Variants in NPFFR1 observed in about 807,000 individuals in gnomAD.
NPFFR1 encodes the protein neuropeptide FF receptor 1, also known as G-protein coupled receptor 147.
NPFFR1 carries 17 observed loss-of-function variants against 12.7 expected under a neutral mutation model. The observed-to-expected ratio is 1.34, with a 90% confidence interval of 0.92 to 2.01. The LOEUF (loss-of-function observed/expected upper bound fraction) is 2.01, where lower values mean the gene tolerates loss of function less well. Among genes scored for constraint, NPFFR1 ranks in the 30% most tolerant of loss-of-function variants. NPFFR1 has a pLI of 0.00. For synonymous variants in NPFFR1, 296 were observed against 264.5 expected (o/e 1.12, Z -1.16); for missense variants, 604 against 606.5 (o/e 1.00, Z 0.04).
intron 2 of NPFFR1, among the ~76,000 whole-genome samples, chr10:70,264,866 AAT>A (rs1722176182): frequency 6.6e-6 from 1 of 152,232 alleles, no homozygotes; most frequent in South Asian, 2.1e-4. Context: ...CAATATTTTA[AAT>A]ATGAGTGTAT....
intron 3 of NPFFR1, among the ~76,000 whole-genome samples, chr10:70,258,679 G>A (rs1840601976): frequency 6.6e-6 from 1 of 152,212 alleles, no homozygotes; most frequent in African/African-American, 2.4e-5. Flanking sequence ...CTATTCCCCA[G>A]AATGGCTTCT....
chr10:70,261,014 A>G (rs1289589611), intron 2 of NPFFR1, among the ~76,000 whole-genome samples: 5 of 152,174 alleles, frequency 3.3e-5, no homozygotes, highest in African/African-American at 1.2e-4. Context: ...CAAGTCCTGC[A>G]GTCAGCCTTG....
In NPFFR1 at chr10:70,249,068, A is replaced by G. The variant is rs752305046; in HGVS notation, c.*5889T>C. ...AGCCCTCCTACTTCTATCACACTAT[A>G]TCCTCTTACCTTGCTTTAGACCCAT... On this transcript the variant is annotated 3_prime_UTR_variant, in exon 4 of 4. Transcript: ENST00000277942. The G allele has an allele frequency of 3.9e-5, 6 of 152,026 alleles. No individual in the cohort carries two copies. The highest frequency in any genetic ancestry group is 7.4e-5 in the Non-Finnish European group (5 of 68,026). The allele number at this position is 152,026 out of a possible 1,614,324, so 9.4% of individuals were successfully genotyped here. A position where few individuals can be genotyped will look rare whatever the true frequency, so the allele number is the denominator to read the frequency against.
chr10:70,280,331 A>T (rs1217626050), intron 1 of NPFFR1, among the ~76,000 whole-genome samples: 1 of 152,178 alleles, frequency 6.6e-6, no homozygotes, highest in East Asian at 1.9e-4. Flanking sequence ...GTGCAAATTT[A>T]TTACATTCCC....
In NPFFR1 at chr10:70,253,977, G is replaced by A. The variant is rs1301763496; in HGVS notation, c.*980C>T. The A allele has an allele frequency of 6.6e-6, 1 of 152,212 alleles. No homozygotes were observed. Among genetic ancestry groups the A allele is most frequent in the Non-Finnish European group, 1.5e-5 (1 of 68,050 alleles). The allele number at this position is 152,212 out of a possible 1,614,324, so 9.4% of individuals were successfully genotyped here. The stretch of plus-strand genomic sequence containing the variant: ...GTCTCCAAATGGCACTCCGGCTGCA[G>A]CTTCAGTTGACCAACTTCTCCCTCC... On this transcript the variant is annotated 3_prime_UTR_variant, in exon 4 of 4. Transcript: ENST00000277942.
At chr10:70,277,459 A>C (rs1840815615) in intron 1 of NPFFR1, among the ~76,000 whole-genome samples, 1 of 152,368 alleles carries the variant, frequency 6.6e-6, no homozygotes, top group Non-Finnish European at 1.5e-5. Context: ...GACAGGGCAC[A>C]GAGACTCTGG....
intron 3 of NPFFR1, among the ~76,000 whole-genome samples, chr10:70,259,581 C>A (rs770968866): frequency 6.6e-6 from 1 of 152,112 alleles, no homozygotes; most frequent in Non-Finnish European, 1.5e-5. Flanking sequence ...AGAGTAGAAC[C>A]CACTTCATTA....
rs913633625 is a variant in NPFFR1 at position 70,255,216 on chromosome 10, C to G, written c.1034G>C (p.Arg345Pro). ...NFRRGFQAAFRARLCPRPSGS... is the reference protein window; with the variant it reads ...NFRRGFQAAFPARLCPRPSGS... Reference sequence around the variant, plus strand: ...CGACGGGCGCGGGCAGAGGCGGGCGCGGAAGGCGGCCTGGAAGCCGCGGCG... The same window carrying G: ...CGACGGGCGCGGGCAGAGGCGGGCGGGGAAGGCGGCCTGGAAGCCGCGGCG... Residue 345 changes from arginine to proline, a missense_variant, in exon 4 of 4, where the codon CGC (arginine) becomes CCC (proline). Arg to Pro is a moderately radical substitution (Grantham distance 103). Coordinates refer to ENST00000277942, the MANE Select transcript of NPFFR1 (RefSeq NM_022146.5). The surrounding 1 kb of genome is among the most constrained non-coding windows in gnomAD (Gnocchi z 4.2). 1.9e-6 allele frequency: 3 copies of G among 1,549,630 alleles called. No individual in the cohort carries two copies. The highest frequency in any genetic ancestry group is 2.6e-6 in the Non-Finnish European group (3 of 1,151,718).
intron 2 of NPFFR1, among the ~76,000 whole-genome samples, chr10:70,262,485 CTG>C (rs567090101): frequency 7.9e-4 from 120 of 152,264 alleles, no homozygotes; most frequent in Non-Finnish European, 1.4e-3. Context: ...ACTGAATAAA[CTG>C]GATTTAATTA....
intron 1 of NPFFR1, among the ~76,000 whole-genome samples, chr10:70,272,214 A>G (rs917501538): frequency 3.3e-4 from 3 of 9,120 alleles, no homozygotes; most frequent in African/African-American, 1.6e-3. Flanking sequence ...AAAGAAAGGA[A>G]AGAAAGAAAG....
In NPFFR1 at chr10:70,255,266, G is replaced by C; in HGVS notation, c.984C>G (p.Ile328Met). Reference protein sequence around the residue: ...AFFNSSANPIIYGYFNENFRR... With the variant: ...AFFNSSANPIMYGYFNENFRR... ...GGAAGTTCTCGTTGAAGTAGCCGTA[G>C]ATGATGGGGTTGGCGCTGCTGTTGA... Residue 328 changes from isoleucine (I) to methionine (M), a missense_variant, in exon 4 of 4, where the codon ATC becomes ATG. Transcript: ENST00000277942. This position sits in a 1 kb window ranked among gnomAD's most constrained non-coding sequence, Gnocchi z 4.2. 6.4e-7 allele frequency: 1 copy of C among 1,574,654 alleles called. No individual in the cohort carries two copies. The highest frequency in any genetic ancestry group is 2.3e-5 in the East Asian group (1 of 43,114).
Position 70,283,768 on chromosome 10 carries a change from T to C in NPFFR1, c.-92A>G. 2 of 1,431,424 alleles carry C rather than the reference T, an allele frequency of 1.4e-6. No individual in the cohort carries two copies. Among genetic ancestry groups the C allele is most frequent in the Non-Finnish European group, 1.9e-6 (2 of 1,054,716 alleles). The allele number at this position is 1,431,424 out of a possible 1,614,324, so 88.7% of individuals were successfully genotyped here. ...GGGCAGAGGGACGGTCTCCGGGCAC[T>C]TGGTTGCGGGCTGCGCCCCTGCCTC... is the stretch of plus-strand genomic sequence containing the variant. On this transcript the variant is annotated 5_prime_UTR_variant, in exon 1 of 4. Transcript: ENST00000277942.
chr10:70,273,296 T>C (rs1212913200), intron 1 of NPFFR1, among the ~76,000 whole-genome samples: 1 of 152,184 alleles, frequency 6.6e-6, no homozygotes, highest in African/African-American at 2.4e-5. Flanking sequence ...TGAGAACCAC[T>C]GAACCATACA....
chr10:70,278,156 CA>C (rs1280716232), intron 1 of NPFFR1, among the ~76,000 whole-genome samples: 3 of 152,118 alleles, frequency 2.0e-5, no homozygotes, highest in Non-Finnish European at 4.4e-5. Context: ...CTTCCCTCAC[CA>C]GTCCCAATTC....
intron 1 of NPFFR1, among the ~76,000 whole-genome samples, chr10:70,272,119 A>G (rs1589914731): frequency 5.7e-5 from 2 of 34,832 alleles, no homozygotes; most frequent in African/African-American, 2.3e-4. Flanking sequence ...TCTGCCTCAA[A>G]AAAGAGAAAG....
intron 3 of NPFFR1, among the ~76,000 whole-genome samples, chr10:70,257,317 A>T (rs1589909355): frequency 6.6e-6 from 1 of 152,246 alleles, no homozygotes; most frequent in East Asian, 1.9e-4. Flanking sequence ...GTTAATTTGT[A>T]GCTTTGCCCC....
Position 70,255,262 on chromosome 10 carries a change from C to G in NPFFR1, c.988G>C (p.Gly330Arg), listed in dbSNP as rs547929871. 92 of 1,572,370 alleles carry G rather than the reference C, an allele frequency of 5.9e-5. 4 individuals carry two copies. The South Asian group carries it at 9.5e-4, about 16-fold the overall frequency. ...CGGCGGAAGTTCTCGTTGAAGTAGC[C>G]GTAGATGATGGGGTTGGCGCTGCTG... is the stretch of plus-strand genomic sequence containing the variant. ...FNSSANPIIY[G>R]YFNENFRRGF... Residue 330 changes from glycine to arginine, a missense_variant, in exon 4 of 4, where the codon GGC becomes CGC. Coordinates refer to ENST00000277942, the MANE Select transcript of NPFFR1 (RefSeq NM_022146.5). The surrounding 1 kb of genome is among the most constrained non-coding windows in gnomAD (Gnocchi z 4.2).
Position 70,260,632 on chromosome 10 carries a change from C to A in NPFFR1, c.422+8G>T. 6.2e-7 allele frequency: 1 copy of A among 1,603,334 alleles called. No individual in the cohort carries two copies. The highest frequency in any genetic ancestry group is 1.1e-5 in the South Asian group (1 of 89,114). ...GCTCAGGCATAATCCAGCCAGGAAA[C>A]CTCTCACCTTTCCACAGCAATGGCC... On this transcript the variant is annotated splice_region_variant and intron_variant, in intron 3 of 3. Coordinates refer to ENST00000277942, the MANE Select transcript of NPFFR1 (RefSeq NM_022146.5).
Position 70,255,935 on chromosome 10 carries a change from G to C in NPFFR1, c.423-108C>G. On this transcript the variant is annotated intron_variant, in intron 3 of 3. Coordinates refer to ENST00000277942, the MANE Select transcript of NPFFR1 (RefSeq NM_022146.5). The surrounding 1 kb of genome is among the most constrained non-coding windows in gnomAD (Gnocchi z 4.2). ...GACCTTCATCATCGCATCTAGGGCGGCGTCGAAGAACAGCTCAGACCTGAA... is the reference window on the plus strand; with the variant it reads ...GACCTTCATCATCGCATCTAGGGCGCCGTCGAAGAACAGCTCAGACCTGAA... 7.9e-7 allele frequency: 1 copy of C among 1,260,776 alleles called. No individual in the cohort carries two copies. Among genetic ancestry groups the C allele is most frequent in the Non-Finnish European group, 1.1e-6 (1 of 915,322 alleles). 78.1% of individuals were successfully genotyped at this position (1,260,776 alleles called of 1,614,324 possible).
Sources: allele counts gnomAD v4.1 joint callset (sites outside exome capture counted in the v4.1 genomes callset), GRCh38; gene constraint gnomAD v4.1.1; non-coding constraint Gnocchi (gnomAD v3.1); transcripts MANE v1.5; gene names NCBI Gene and HGNC (gene_info 2026-07-23, HGNC 2026-07-21).